TRPM3: variants seen among roughly 807,000 people sequenced by gnomAD.
TRPM3 encodes the protein transient receptor potential cation channel subfamily M member 3, also known as long transient receptor potential channel 3.
Under a neutral mutation model 181.2 loss-of-function variants are expected in TRPM3, and 77 were observed. The observed-to-expected ratio is 0.42, with a 90% CI of 0.35 to 0.51. TRPM3 has a LOEUF of 0.51. Among genes scored for constraint, TRPM3 ranks in the 20% least tolerant of loss-of-function variants. The pLI is 0.01. For missense variants in TRPM3, 1,759 were observed against 2,196.7 expected (o/e 0.80, Z 3.98); for synonymous variants, 745 against 796.4 (o/e 0.94, Z 1.09).
chr9:71,074,834 ACT>A (rs1268720358), intron 1 of TRPM3, among the ~76,000 whole-genome samples: 1 of 152,082 alleles, frequency 6.6e-6, no homozygotes, highest in Non-Finnish European at 1.5e-5. Context: ...TTTAAGGATA[ACT>A]CTTCCTGGGA....
At chr9:70,990,394 G>C (rs889738474) in intron 1 of TRPM3, among the ~76,000 whole-genome samples, 1 of 152,108 alleles carries the variant, frequency 6.6e-6, no homozygotes, top group Non-Finnish European at 1.5e-5. Flanking sequence ...CTTCTGCCTA[G>C]AGCCCAGACA....
chr9:70,993,321 T>C (rs79706138), intron 1 of TRPM3, among the ~76,000 whole-genome samples: 9,550 of 152,224 alleles, frequency 0.063, 426 homozygotes, highest in Admixed American at 0.14. Context: ...GATGGCAGTT[T>C]TACATTAGGG....
intron 1 of TRPM3, among the ~76,000 whole-genome samples, chr9:71,420,789 G>GAAAGAA (rs1486977374): frequency 2.3e-5 from 1 of 44,052 alleles, no homozygotes; most frequent in Admixed American, 2.2e-4. Flanking sequence ...GAGAGAGAAA[G>GAAAGAA]AGAGAGAAAG....
chr9:70,946,914 G>A (rs1278214589), intron 1 of TRPM3, among the ~76,000 whole-genome samples: 1 of 152,142 alleles, frequency 6.6e-6, no homozygotes, highest in Admixed American at 6.6e-5. Context: ...GGTATACAGT[G>A]CTATACAGCA....
intron 1 of TRPM3, among the ~76,000 whole-genome samples, chr9:71,377,468 A>G (rs1377325758): frequency 6.6e-6 from 1 of 152,008 alleles, no homozygotes; most frequent in East Asian, 2.0e-4. Context: ...TGCATTCAAT[A>G]GACAGAAACA....
chr9:70,607,531 C>G (rs528819559), intron 19 of TRPM3, among the ~76,000 whole-genome samples: 44 of 152,228 alleles, frequency 2.9e-4, no homozygotes, highest in Non-Finnish European at 5.4e-4. Flanking sequence ...GACACACAGG[C>G]CCCACCACCC....
chr9:71,359,264 G>A (rs879843049), intron 1 of TRPM3, among the ~76,000 whole-genome samples: 13 of 152,222 alleles, frequency 8.5e-5, no homozygotes, highest in Non-Finnish European at 1.6e-4. Flanking sequence ...TAAAGTGAAA[G>A]GGGAAATCTC....
chr9:70,566,679 C>A (rs1178622341), intron 22 of TRPM3, among the ~76,000 whole-genome samples: 2 of 152,126 alleles, frequency 1.3e-5, no homozygotes, highest in African/African-American at 4.8e-5. Flanking sequence ...TCCTCAATGC[C>A]CTTACATGAA....
chr9:71,064,347 C>T lies in TRPM3; in HGVS notation c.177+56831G>A, dbSNP rs117435029. ...CTTGGAGATAAAATTGACTTCTATACATTACCAGTAAATCTAGACGTACTT... is the reference window on the plus strand; with the variant it reads ...CTTGGAGATAAAATTGACTTCTATATATTACCAGTAAATCTAGACGTACTT... On this transcript the variant is annotated intron_variant, in intron 1 of 25. Transcript: ENST00000677713. Among the ~76,000 whole-genome samples the T allele has an allele frequency of 5.0e-3, 753 of 151,624 alleles. 18 individuals are homozygous for T. In the East Asian group the frequency reaches 0.078, roughly 16 times the overall value.
At position 70,813,561 on chromosome 9, in the gene TRPM3, T is replaced by C. The variant is rs183460808; in HGVS notation, c.973+14286A>G. On this transcript the variant is annotated intron_variant, in intron 6 of 25. Transcript: ENST00000677713. ...ATCTTCCTATTGAGTACTGTGTTCA[T>C]TATCTGGGGTGATGGGATCAATAGA... is the stretch of plus-strand genomic sequence containing the variant. Among the ~76,000 whole-genome samples the C allele has an allele frequency of 2.7e-3, 416 of 152,292 alleles. 6 individuals are homozygous for C. Among genetic ancestry groups the C allele is most frequent in the Middle Eastern group, 0.01 (3 of 294 alleles).
chr9:70,679,853 C>T (rs1469719592), intron 9 of TRPM3, among the ~76,000 whole-genome samples: 3 of 152,118 alleles, frequency 2.0e-5, no homozygotes, highest in Non-Finnish European at 4.4e-5. Context: ...TATAGGGTAA[C>T]TTGCCTCAAA....
rs1476925352 is a variant in TRPM3, at chr9:71,087,117, G to GAAATTA, written c.177+34055_177+34060dup. 3.3e-5 allele frequency among the ~76,000 whole-genome samples: 5 copies of GAAATTA among 152,080 alleles called. No homozygotes were observed. The South Asian group carries it at 1.0e-3, about 32-fold the overall frequency. Reference sequence around the variant, plus strand: ...ACTTTTATATATCTCTGGTGACTGGGAAATTAAAGCCAGACCCTCATCCCT... The same window carrying GAAATTA: ...ACTTTTATATATCTCTGGTGACTGGGAAATTAAAATTAAAGCCAGACCCTCATCCCT... On this transcript the variant is annotated intron_variant, in intron 1 of 25. Coordinates refer to ENST00000677713, the MANE Select transcript of TRPM3 (RefSeq NM_001366145.2).
chr9:70,931,327 A>T (rs1259308884), intron 1 of TRPM3, among the ~76,000 whole-genome samples: 1 of 152,166 alleles, frequency 6.6e-6, no homozygotes. Flanking sequence ...AAGAAACAAG[A>T]ATAAAAATTA....
intron 1 of TRPM3, among the ~76,000 whole-genome samples, chr9:71,318,412 A>G (rs1270453765): frequency 1.3e-5 from 2 of 152,332 alleles, no homozygotes; most frequent in African/African-American, 4.8e-5. Context: ...TATTGCACAT[A>G]ATTAAAAAAC....
intron 6 of TRPM3, among the ~76,000 whole-genome samples, chr9:70,822,727 T>C (rs1288509556): frequency 6.6e-6 from 1 of 151,656 alleles, no homozygotes; most frequent in East Asian, 2.0e-4. Flanking sequence ...TGTATATTTA[T>C]TTTACCACAG....
At chr9:70,545,548 C>CTT (rs5898150) in intron 25 of TRPM3, among the ~76,000 whole-genome samples, 4 of 113,338 alleles carry the variant, frequency 3.5e-5, no homozygotes, top group Admixed American at 2.1e-4. Flanking sequence ...AATTTTCTTT[C>CTT]TTTTTTTTTT....
At chr9:70,904,206 G>A (rs951174024) in intron 1 of TRPM3, among the ~76,000 whole-genome samples, 4 of 152,162 alleles carry the variant, frequency 2.6e-5, no homozygotes, top group African/African-American at 9.7e-5. Flanking sequence ...CTGGGTGACA[G>A]AGTGAGACCC....
intron 1 of TRPM3, among the ~76,000 whole-genome samples, chr9:71,015,474 C>T (rs534145271): frequency 6.6e-6 from 1 of 152,266 alleles, no homozygotes; most frequent in Non-Finnish European, 1.5e-5. Flanking sequence ...TCATGGAACT[C>T]TGATGGAATA....
At chr9:71,070,035 T>G (rs1480681096) in intron 1 of TRPM3, among the ~76,000 whole-genome samples, 1 of 152,236 alleles carries the variant, frequency 6.6e-6, no homozygotes, top group Non-Finnish European at 1.5e-5. Context: ...TTCTGCTTAG[T>G]TTTTATTTTA....
Sources: allele counts gnomAD v4.1 joint callset (sites outside exome capture counted in the v4.1 genomes callset), GRCh38; gene constraint gnomAD v4.1.1; transcripts MANE v1.5; gene names NCBI Gene and HGNC (gene_info 2026-07-23, HGNC 2026-07-21).